COG3: variants seen among roughly 807,000 people sequenced by gnomAD.
COG3 encodes component of oligomeric golgi complex 3.
A neutral mutation model predicts 114.1 loss-of-function variants in COG3; 32 were observed. That is an observed-to-expected ratio of 0.28 (90% confidence interval 0.21 to 0.38). The LOEUF is 0.38. Among genes scored for constraint, COG3 ranks in the 10% least tolerant of loss-of-function variants. The pLI is 1.00. For missense variants in COG3, 813 were observed against 973.2 expected (o/e 0.84, Z 2.19); for synonymous variants, 352 against 365.7 (o/e 0.96, Z 0.43).
At chr13:45,473,408 C>T (rs58775998) in intron 1 of COG3, among the ~76,000 whole-genome samples, 15,220 of 152,082 alleles carry the variant, frequency 0.1, 2,156 homozygotes, top group African/African-American at 0.31. Context: ...GCCTAGCTTT[C>T]GTGTGTTTTC....
intron 19 of COG3, 144 bp downstream of exon 19, chr13:45,519,238 C>T (rs1871848955): frequency 2.1e-6 from 2 of 934,762 alleles, no homozygotes; most frequent in Non-Finnish European, 3.2e-6. Flanking sequence ...CACTGTGTTT[C>T]CTATTATGGA....
At chr13:45,481,073 C>T (rs897972599) in intron 4 of COG3, among the ~76,000 whole-genome samples, 157 bp from the exon 5 acceptor site, 3 of 151,980 alleles carry the variant, frequency 2.0e-5, no homozygotes, top group Non-Finnish European at 4.4e-5. Context: ...TATTATCGCC[C>T]CTTTTAGTTC....
intron 20 of COG3, 43 bp from the exon 21 acceptor site, chr13:45,529,748 T>C (rs759532969): frequency 2.7e-6 from 4 of 1,498,780 alleles, no homozygotes; most frequent in Middle Eastern, 1.8e-4. Context: ...AAATATTTCT[T>C]TTCTTTTTCT....
intron 19 of COG3, among the ~76,000 whole-genome samples, chr13:45,524,200 C>G (rs1333936963): frequency 6.6e-6 from 1 of 152,196 alleles, no homozygotes; most frequent in African/African-American, 2.4e-5. Context: ...TCTAATGAGA[C>G]TTTCCCGTGA....
chr13:45,467,416 A>AC (rs1885213202), intron 1 of COG3, among the ~76,000 whole-genome samples: 1 of 152,222 alleles, frequency 6.6e-6, no homozygotes, highest in Non-Finnish European at 1.5e-5. Flanking sequence ...ACATGGCGAA[A>AC]CACCATCTCT....
chr13:45,492,059 G>A (rs1458636328), intron 10 of COG3, 100 bp from the exon 11 acceptor site: 4 of 680,704 alleles, frequency 5.9e-6, no homozygotes, highest in Non-Finnish European at 1.0e-5. Flanking sequence ...TTAAGAGTGT[G>A]TATGTGTTAT....
intron 13 of COG3, among the ~76,000 whole-genome samples, chr13:45,500,127 C>A (rs893255217): frequency 2.9e-5 from 4 of 138,172 alleles, no homozygotes; most frequent in African/African-American, 1.1e-4. Context: ...AAAAAGAGGC[C>A]TGATTATTTT....
intron 20 of COG3, among the ~76,000 whole-genome samples, chr13:45,528,245 A>G (rs951983592): frequency 1.3e-4 from 20 of 152,210 alleles, no homozygotes; most frequent in African/African-American, 4.6e-4. Context: ...GCATTGATCT[A>G]GGGTGGGCAC....
chr13:45,514,078 A>C (rs993143360), intron 16 of COG3, among the ~76,000 whole-genome samples: 4 of 151,736 alleles, frequency 2.6e-5, no homozygotes, highest in Non-Finnish European at 5.9e-5. Context: ...TGTGTTTCTC[A>C]GATCTCAGGA....
intron 1 of COG3, among the ~76,000 whole-genome samples, chr13:45,471,739 G>A (rs1345765806): frequency 6.7e-6 from 1 of 150,014 alleles, no homozygotes; most frequent in Non-Finnish European, 1.5e-5. Context: ...TTTTTTTTTG[G>A]TCTTTTTTTT....
At chr13:45,474,868 A>G (rs1885759326) in intron 1 of COG3, among the ~76,000 whole-genome samples, 1 of 152,194 alleles carries the variant, frequency 6.6e-6, no homozygotes, top group Non-Finnish European at 1.5e-5. Context: ...GAGAGCTGAA[A>G]ACTGGAATTT....
At chr13:45,487,327 C>G (rs1886729480) in intron 8 of COG3, among the ~76,000 whole-genome samples, 1 of 152,162 alleles carries the variant, frequency 6.6e-6, no homozygotes, top group South Asian at 2.1e-4. Flanking sequence ...GGACATTGGT[C>G]TAGGCCAAGA....
At position 45,509,731 on chromosome 13, in the gene COG3, T is replaced by G. The variant is rs1397862058; in HGVS notation, c.1634T>G (p.Ile545Ser). ...CTCAATCCTAGACCACAGACCACAA[T>G]TTCTCCAGCAGATCTTCATGGAATG... is the stretch of plus-strand genomic sequence containing the variant. ...ESLNPRPQTT[I>S]SPADLHGMWY... The change falls in exon 15 of 23, where the codon ATT becomes AGT. Residue 545 changes from isoleucine (I) to serine (S), a missense_variant. Physicochemically the swap from Ile to Ser is moderately radical, Grantham distance 142. Transcript: ENST00000349995. The G allele has an allele frequency of 1.9e-6, 3 of 1,614,148 alleles. No individual in the cohort carries two copies. Among genetic ancestry groups the G allele is most frequent in the Non-Finnish European group, 2.5e-6 (3 of 1,180,000 alleles).
At chr13:45,513,224 TATAATATATACATATAAATTATAC>T (rs1871092519) in intron 16 of COG3, among the ~76,000 whole-genome samples, 1 of 64,290 alleles carries the variant, frequency 1.6e-5, no homozygotes, top group African/African-American at 5.3e-5. Context: ...ATTATATATA[TATAATATATACATATAAATTATAC>T]ATATAATATA....
In COG3 at chr13:45,529,921, G is replaced by A. The variant is rs750014505; in HGVS notation, c.2358+3G>A. ...TCATCTTGTTTAAACCTGTGAGGGT[G>A]AGTATCAGATAACTCATTTGAATGT... On this transcript the variant is annotated splice_donor_region_variant and intron_variant, in intron 21 of 22. Coordinates refer to ENST00000349995, the MANE Select transcript of COG3 (RefSeq NM_031431.4). 3.2e-5 allele frequency: 52 copies of A among 1,604,470 alleles called. No individual in the cohort carries two copies. Among genetic ancestry groups the A allele is most frequent in the Non-Finnish European group, 4.0e-5 (47 of 1,177,000 alleles).
At chr13:45,493,583 A>C (rs1887150082) in intron 12 of COG3, 97 bp downstream of exon 12, 1 of 1,088,184 alleles carries the variant, frequency 9.2e-7, no homozygotes, top group Admixed American at 2.5e-5. Context: ...TAAATAGATA[A>C]ATTTAATATT....
chr13:45,500,730 T>A (rs144084853), intron 13 of COG3, among the ~76,000 whole-genome samples: 2 of 152,218 alleles, frequency 1.3e-5, no homozygotes, highest in Admixed American at 1.3e-4. Context: ...GTCCATAGTT[T>A]ATTCAGATTT....
intron 6 of COG3, 44 bp from the exon 7 acceptor site, chr13:45,483,186 C>T (rs1403811399): frequency 6.7e-7 from 1 of 1,496,760 alleles, no homozygotes. Flanking sequence ...TGCTTTTTAT[C>T]TGTGTTCATT....
chr13:45,521,577 G>GCACACACACACACA lies in COG3; in HGVS notation c.2154+2495_2154+2508dup, dbSNP rs3084002. Among the ~76,000 whole-genome samples the GCACACACACACACA allele has an allele frequency of 5.4e-4, 80 of 148,482 alleles. 2 individuals are homozygous for GCACACACACACACA. The highest frequency in any genetic ancestry group is 1.7e-3 in the African/African-American group (69 of 40,662). On this transcript the variant is annotated intron_variant, in intron 19 of 22. Coordinates refer to ENST00000349995, the MANE Select transcript of COG3 (RefSeq NM_031431.4). Reference sequence around the variant, plus strand: ...GAGTCAGAGACAAAGATACATACGTGCACACACACACACACACACACACAC... The same window carrying GCACACACACACACA: ...GAGTCAGAGACAAAGATACATACGTGCACACACACACACACACACACACACACACACACACACAC...
Sources: gnomAD v4.1 joint callset for allele counts (sites outside exome capture counted in the v4.1 genomes callset) on GRCh38, gnomAD v4.1.1 for gene constraint, MANE v1.5 for transcripts, NCBI Gene and HGNC (gene_info 2026-07-23, HGNC 2026-07-21) for gene names.